Variants in FGF12 observed in about 807,000 individuals in gnomAD.
FGF12 encodes the protein fibroblast growth factor 12, also known as fibroblast growth factor 12B.
A neutral mutation model predicts 23.6 loss-of-function variants in FGF12; 14 were observed. The observed-to-expected ratio is 0.59, with a 90% CI of 0.39 to 0.93. FGF12 has a LOEUF of 0.93. FGF12 is among the 40% of genes least tolerant of loss of function. The pLI is 0.00. For synonymous variants in FGF12, 62 were observed against 77.3 expected, an observed-to-expected ratio of 0.80 and a Z score of 1.04; for missense variants, 175 against 217.8, an observed-to-expected ratio of 0.80 and a Z score of 1.24.
At chr3:192,588,223 T>G (rs551104806) in intron 2 of FGF12, among the ~76,000 whole-genome samples, 14 of 149,666 alleles carry the variant, frequency 9.4e-5, no homozygotes, top group Middle Eastern at 3.5e-3. Context: ...GGTGGCGGGC[T>G]CCTGTAGTCC....
intron 2 of FGF12, among the ~76,000 whole-genome samples, chr3:192,488,673 T>C (rs947505945): frequency 2.6e-5 from 4 of 152,054 alleles, no homozygotes; most frequent in Non-Finnish European, 4.4e-5. Context: ...GAGCCTTAAT[T>C]GGATGAGAAC....
chr3:192,280,654 A>G (rs1411515750), intron 4 of FGF12, among the ~76,000 whole-genome samples: 1 of 152,140 alleles, frequency 6.6e-6, no homozygotes, highest in Admixed American at 6.6e-5. Context: ...ATATCTAGGA[A>G]CTATCATCCT....
chr3:192,160,173 C>T (rs1356187481), intron 5 of FGF12, among the ~76,000 whole-genome samples: 1 of 152,178 alleles, frequency 6.6e-6, no homozygotes, highest in Non-Finnish European at 1.5e-5. Flanking sequence ...CAATCTAATA[C>T]TATCTTGCTT....
At chr3:192,526,958 C>A (rs573560597) in intron 2 of FGF12, among the ~76,000 whole-genome samples, 10 of 152,240 alleles carry the variant, frequency 6.6e-5, no homozygotes, top group African/African-American at 2.4e-4. Context: ...AAAAGAAATG[C>A]AAGCCAGGAG....
chr3:192,439,731 C>T (rs1487844353), intron 2 of FGF12, among the ~76,000 whole-genome samples: 1 of 152,052 alleles, frequency 6.6e-6, no homozygotes, highest in Non-Finnish European at 1.5e-5. Context: ...AATCCCAGCA[C>T]TTTGGGAGGC....
rs758575510 is a variant in FGF12, at chr3:192,140,044, T to G, written c.*3965A>C. 1.3e-5 allele frequency: 2 copies of G among 152,096 alleles called. No individual in the cohort carries two copies. The highest frequency in any genetic ancestry group is 2.9e-5 in the Non-Finnish European group (2 of 67,952). The allele number at this position is 152,096 out of a possible 1,614,324, so 9.4% of individuals were successfully genotyped here. ...TGCTTTGATTATTATTCCCACCTGT[T>G]TCTTTTTTATTATAAAGTGGCAATT... On this transcript the variant is annotated 3_prime_UTR_variant, in exon 6 of 6. Transcript: ENST00000445105.
At chr3:192,461,860 C>T (rs1576996670) in intron 2 of FGF12, among the ~76,000 whole-genome samples, 1 of 151,748 alleles carries the variant, frequency 6.6e-6, no homozygotes, top group Non-Finnish European at 1.5e-5. Context: ...CATGGTGGTG[C>T]GTGCCTGTAA....
At chr3:192,587,618 C>T (rs1448251737) in intron 2 of FGF12, among the ~76,000 whole-genome samples, 1 of 151,718 alleles carries the variant, frequency 6.6e-6, no homozygotes, top group Non-Finnish European at 1.5e-5. Context: ...AAATTTGAGA[C>T]CAGCCTGGGC....
rs377376587 is a variant in FGF12 at position 192,471,791 on chromosome 3, T to C, written c.14-111253A>G. 1.9e-3 allele frequency among the ~76,000 whole-genome samples: 294 copies of C among 152,354 alleles called. 1 individual carries two copies. The highest frequency in any genetic ancestry group is 3.4e-3 in the Middle Eastern group (1 of 292). ...ATGTATTGAGGACCGACTGTGGAAC[T>C]GGGAAGTCTCTAAATTAGCTTTCAT... is the stretch of plus-strand genomic sequence containing the variant. On this transcript the variant is annotated intron_variant, in intron 2 of 5. Transcript: ENST00000445105.
intron 2 of FGF12, among the ~76,000 whole-genome samples, chr3:192,469,463 G>A (rs1723108482): frequency 6.6e-6 from 1 of 152,098 alleles, no homozygotes; most frequent in South Asian, 2.1e-4. Flanking sequence ...TTCTTTACCT[G>A]TAACTTTTTC....
intron 4 of FGF12, among the ~76,000 whole-genome samples, chr3:192,182,162 A>G (rs985219703): frequency 6.6e-6 from 1 of 152,182 alleles, no homozygotes; most frequent in Non-Finnish European, 1.5e-5. Context: ...TGATTGGAAA[A>G]TATCTTGAAG....
At chr3:192,568,503 C>T (rs1712448891) in intron 2 of FGF12, among the ~76,000 whole-genome samples, 1 of 152,080 alleles carries the variant, frequency 6.6e-6, no homozygotes, top group Non-Finnish European at 1.5e-5. Context: ...GAGAGTTAGA[C>T]CAGCCAATGG....
chr3:192,636,086 T>G (rs1442295684), intron 2 of FGF12, among the ~76,000 whole-genome samples: 1 of 152,226 alleles, frequency 6.6e-6, no homozygotes, highest in Non-Finnish European at 1.5e-5. Flanking sequence ...ATATGTGTTC[T>G]TCCAATAAAT....
At chr3:192,495,695 C>G (rs1462220910) in intron 2 of FGF12, among the ~76,000 whole-genome samples, 1 of 152,136 alleles carries the variant, frequency 6.6e-6, no homozygotes, top group Admixed American at 6.5e-5. Flanking sequence ...GAAACAGGGT[C>G]TTGCTCTGTT....
At chr3:192,382,049 T>G (rs1273454626) in intron 2 of FGF12, among the ~76,000 whole-genome samples, 1 of 151,436 alleles carries the variant, frequency 6.6e-6, no homozygotes, top group Non-Finnish European at 1.5e-5. Context: ...CAAGCTGGAG[T>G]GCAGTGCTGC....
chr3:192,383,745 A>C (rs1719926881), intron 2 of FGF12, among the ~76,000 whole-genome samples: 1 of 152,118 alleles, frequency 6.6e-6, no homozygotes, highest in African/African-American at 2.4e-5. Flanking sequence ...TAACCACATT[A>C]TTTGAGGAGG....
At chr3:192,245,450 T>C (rs760278440) in intron 4 of FGF12, among the ~76,000 whole-genome samples, 2 of 152,236 alleles carry the variant, frequency 1.3e-5, no homozygotes, top group South Asian at 4.1e-4. Context: ...AAACATTTAT[T>C]GGGCATCAAT....
intron 4 of FGF12, among the ~76,000 whole-genome samples, chr3:192,172,028 G>A (rs1214684827): frequency 6.6e-6 from 1 of 152,096 alleles, no homozygotes; most frequent in Non-Finnish European, 1.5e-5. Flanking sequence ...CTACAGGTGT[G>A]TACCACTGCA....
intron 4 of FGF12, among the ~76,000 whole-genome samples, chr3:192,322,931 A>G (rs1577352709): frequency 6.6e-6 from 1 of 152,212 alleles, no homozygotes; most frequent in African/African-American, 2.4e-5. Flanking sequence ...GGCATTTCTC[A>G]GAAGAAGACT....
Sources: gnomAD v4.1 joint callset for allele counts (sites outside exome capture counted in the v4.1 genomes callset) on GRCh38, gnomAD v4.1.1 for gene constraint, MANE v1.5 for transcripts, NCBI Gene and HGNC (gene_info 2026-07-23, HGNC 2026-07-21) for gene names.